HMGA2: variants seen among roughly 807,000 people sequenced by gnomAD.
The protein encoded by HMGA2 is high mobility group AT-hook 2.
Under a neutral mutation model 19.1 loss-of-function variants are expected in HMGA2, and 8 were observed. The observed-to-expected ratio is 0.42, with a 90% confidence interval of 0.25 to 0.76. The LOEUF is 0.76. Ranked by LOEUF, HMGA2 falls within the 30% of genes least tolerant of loss-of-function variation. The pLI is 0.28. For missense variants in HMGA2, 109 were observed against 136.3 expected (o/e 0.80, Z 1.00); for synonymous variants, 60 against 48.8 (o/e 1.23, Z -0.96).
intron 4 of HMGA2, 54 bp downstream of exon 4, chr12:65,951,469 G>C: frequency 5.2e-6 from 6 of 1,150,212 alleles, no homozygotes; most frequent in Non-Finnish European, 6.4e-6. Flanking sequence ...AGTGAAATAT[G>C]TACTGAAAAA....
At chr12:65,886,872 CT>C (rs1485104530) in intron 3 of HMGA2, among the ~76,000 whole-genome samples, 1 of 152,180 alleles carries the variant, frequency 6.6e-6, no homozygotes, top group Non-Finnish European at 1.5e-5. Flanking sequence ...CATACTCTTG[CT>C]TTTTCAAGGC....
At chr12:65,835,729 A>AT (rs1156668072) in intron 2 of HMGA2, among the ~76,000 whole-genome samples, 1 of 152,170 alleles carries the variant, frequency 6.6e-6, no homozygotes, top group East Asian at 1.9e-4. Context: ...TCTTCAATAG[A>AT]TTTTAGATAC....
At chr12:65,950,667 T>C (rs1876426714) in intron 3 of HMGA2, among the ~76,000 whole-genome samples, 1 of 152,200 alleles carries the variant, frequency 6.6e-6, no homozygotes, top group Non-Finnish European at 1.5e-5. Context: ...CCTCTGAATA[T>C]ACTAAAATAT....
chr12:65,897,136 T>G (rs1874162239), intron 3 of HMGA2, among the ~76,000 whole-genome samples: 1 of 152,218 alleles, frequency 6.6e-6, no homozygotes, highest in Admixed American at 6.5e-5. Context: ...TTGTGGTGTA[T>G]GTGAGAGATT....
At position 65,885,313 on chromosome 12, in the gene HMGA2, G is replaced by A. The variant is rs184468726; in HGVS notation, c.249+46744G>A. Among the ~76,000 whole-genome samples, 75 of 152,032 alleles carry A rather than the reference G, an allele frequency of 4.9e-4. 1 individual carries two copies. The East Asian group carries it at 0.011, about 23-fold the overall frequency. The stretch of plus-strand genomic sequence containing the variant: ...CAGCCCTGATCATGATAAATAGTGG[G>A]TTTTTTAAATGACATCACGAGATAC... On this transcript the variant is annotated intron_variant, in intron 3 of 4. Transcript: ENST00000403681.
At chr12:65,929,061 G>A (rs12812630) in intron 3 of HMGA2, among the ~76,000 whole-genome samples, 25,742 of 151,974 alleles carry the variant, frequency 0.17, 2,630 homozygotes, top group South Asian at 0.32. Context: ...TTTTAGAATC[G>A]CAATTAAAAT....
Position 65,964,868 on chromosome 12 carries a change from A to T in HMGA2, c.*1576A>T, listed in dbSNP as rs142712559. On this transcript the variant is annotated 3_prime_UTR_variant, in exon 5 of 5. Coordinates refer to ENST00000403681, the MANE Select transcript of HMGA2 (RefSeq NM_003483.6). ...TTTCCTCAATCACACTACACATCAC[A>T]CAAGATTTGACTGTAATATTTAAAT... 1.6e-3 allele frequency: 316 copies of T among 193,116 alleles called. No homozygotes were observed. Among genetic ancestry groups the T allele is most frequent in the African/African-American group, 6.5e-3 (280 of 43,244 alleles). 12.0% of individuals were successfully genotyped at this position (193,116 alleles called of 1,614,324 possible). A position where few individuals can be genotyped will look rare whatever the true frequency, so the allele number is the denominator to read the frequency against.
At chr12:65,842,636 A>G in intron 3 of HMGA2, 1 of 1,535,452 alleles carries the variant, frequency 6.5e-7, no homozygotes, top group Non-Finnish European at 8.7e-7. Flanking sequence ...CCAATAGCAG[A>G]GATTTGGTGT....
intron 3 of HMGA2, among the ~76,000 whole-genome samples, chr12:65,899,221 T>TA (rs1333102254): frequency 6.6e-6 from 1 of 152,202 alleles, no homozygotes; most frequent in African/African-American, 2.4e-5. Context: ...GATGAAAACT[T>TA]AAAAGTTTAG....
rs1876856660 is a variant in HMGA2, at chr12:65,964,692, A to G, written c.*1400A>G. The G allele has an allele frequency of 4.9e-6, 1 of 204,470 alleles. No homozygotes were observed. The highest frequency in any genetic ancestry group is 5.9e-5 in the Admixed American group (1 of 16,848). The allele number at this position is 204,470 out of a possible 1,614,324, so 12.7% of individuals were successfully genotyped here. ...TACACTTAATTACAGTTAAAGAAGC[A>G]ATCTCCTTACTGTGTTTCAGCATGA... On this transcript the variant is annotated 3_prime_UTR_variant, in exon 5 of 5. Coordinates refer to ENST00000403681, the MANE Select transcript of HMGA2 (RefSeq NM_003483.6).
intron 3 of HMGA2, among the ~76,000 whole-genome samples, chr12:65,943,895 A>G (rs1015693577): frequency 6.6e-6 from 1 of 152,184 alleles, no homozygotes; most frequent in African/African-American, 2.4e-5. Context: ...AACCCTGACT[A>G]GCTACTCCTG....
At position 65,828,027 on chromosome 12, in the gene HMGA2, G is replaced by A; in HGVS notation, c.138G>A (p.Lys46=). 6.2e-7 allele frequency: 1 copy of A among 1,613,708 alleles called. No homozygotes were observed. The highest frequency in any genetic ancestry group is 8.5e-7 in the Non-Finnish European group (1 of 1,179,786). Residue 46 remains lysine (K), a synonymous_variant, in exon 2 of 5, where the codon AAG becomes AAA. Transcript: ENST00000403681. ...AACCAACCGGTGAGCCCTCTCCTAA[G>A]AGACCCAGGGGAAGACCCAAAGGCA... ...QQEPTGEPSP[K]RPRGRPKGSK...
intron 3 of HMGA2, among the ~76,000 whole-genome samples, chr12:65,912,121 A>C (rs1874871939): frequency 6.6e-6 from 1 of 152,112 alleles, no homozygotes; most frequent in Non-Finnish European, 1.5e-5. Context: ...ACAATCCCCA[A>C]ACACCCAATA....
At chr12:65,885,309 G>A (rs1447588018) in intron 3 of HMGA2, among the ~76,000 whole-genome samples, 1 of 152,026 alleles carries the variant, frequency 6.6e-6, no homozygotes, top group African/African-American at 2.4e-5. Flanking sequence ...ATGATAAATA[G>A]TGGGTTTTTT....
At position 65,963,710 on chromosome 12, in the gene HMGA2, C is replaced by T. The variant is rs917102618; in HGVS notation, c.*418C>T. ...AACGTGTCACACTTGTGACGTCGGG[C>T]ATTCATATAGGAAGAACGCGGTGTG... On this transcript the variant is annotated 3_prime_UTR_variant, in exon 5 of 5. Coordinates refer to ENST00000403681, the MANE Select transcript of HMGA2 (RefSeq NM_003483.6). 2 of 364,728 alleles carry T rather than the reference C, an allele frequency of 5.5e-6. No individual in the cohort carries two copies. The highest frequency in any genetic ancestry group is 1.0e-5 in the Non-Finnish European group (2 of 196,514). 22.6% of individuals were successfully genotyped at this position (364,728 alleles called of 1,614,324 possible). A position where few individuals can be genotyped will look rare whatever the true frequency, so the allele number is the denominator to read the frequency against.
chr12:65,920,438 C>A (rs949839129), intron 3 of HMGA2, among the ~76,000 whole-genome samples: 1 of 152,040 alleles, frequency 6.6e-6, no homozygotes, highest in Admixed American at 6.5e-5. Flanking sequence ...GTTTAGAATG[C>A]GTATTTTAGG....
At chr12:65,919,692 G>A (rs1266150726) in intron 3 of HMGA2, among the ~76,000 whole-genome samples, 1 of 152,222 alleles carries the variant, frequency 6.6e-6, no homozygotes, top group Admixed American at 6.5e-5. Flanking sequence ...GAATTACAAT[G>A]TCTGTGAATC....
chr12:65,875,561 T>C (rs1225600388), intron 3 of HMGA2, among the ~76,000 whole-genome samples: 1 of 145,538 alleles, frequency 6.9e-6, no homozygotes, highest in Admixed American at 7.2e-5. Context: ...GTAGTTGGGA[T>C]TGCGGGCATA....
chr12:65,835,824 G>C (rs1339806335), intron 2 of HMGA2, among the ~76,000 whole-genome samples: 1 of 152,048 alleles, frequency 6.6e-6, no homozygotes, highest in South Asian at 2.1e-4. Flanking sequence ...AGGTCAATAG[G>C]CTCCTTCTCC....
Sources: gnomAD v4.1 joint callset for allele counts (sites outside exome capture counted in the v4.1 genomes callset) on GRCh38, gnomAD v4.1.1 for gene constraint, MANE v1.5 for transcripts, NCBI Gene and HGNC (gene_info 2026-07-23, HGNC 2026-07-21) for gene names.